The following ZMYM5 variants were observed in gnomAD, a reference collection of about 807,000 sequenced individuals.
ZMYM5 encodes the protein zinc finger MYM-type containing 5, also known as zinc finger MYM-type protein 5.
In ZMYM5, 41 loss-of-function variants were observed where a neutral mutation model predicts 61.8. The ratio of observed to expected loss-of-function variants is 0.66; its 90% CI spans 0.52 to 0.86. The LOEUF (loss-of-function observed/expected upper bound fraction) is 0.86. ZMYM5 is among the 40% of genes least tolerant of loss of function. The pLI, the probability that ZMYM5 is intolerant of heterozygous loss-of-function variation, is 0.00. For missense variants in ZMYM5, 706 were observed against 786.7 expected (o/e 0.90, Z 1.23); for synonymous variants, 257 against 276.4 (o/e 0.93, Z 0.70).
At chr13:19,832,733 C>T (rs1475615210) in intron 7 of ZMYM5, among the ~76,000 whole-genome samples, 1 of 152,004 alleles carries the variant, frequency 6.6e-6, no homozygotes, top group Non-Finnish European at 1.5e-5. Context: ...ATGTAACTGT[C>T]TTTGAAAAGA....
chr13:19,841,769 A>G (rs1399400295), intron 4 of ZMYM5: 1 of 152,084 alleles, frequency 6.6e-6, no homozygotes, highest in African/African-American at 2.4e-5. Context: ...AGTGTACCCT[A>G]AAAGTTAAAG....
At chr13:19,841,254 G>C (rs66689903) in intron 4 of ZMYM5, among the ~76,000 whole-genome samples, 14,974 of 152,204 alleles carry the variant, frequency 0.098, 873 homozygotes, top group African/African-American at 0.16. Context: ...GAGCCACTGG[G>C]CCTGACCTAT....
At chr13:19,854,354 G>A (rs1250485147) in intron 2 of ZMYM5, among the ~76,000 whole-genome samples, 2 of 152,158 alleles carry the variant, frequency 1.3e-5, no homozygotes, top group Non-Finnish European at 1.5e-5. Context: ...GCTGGGCGTG[G>A]TGGCTCACAC....
intron 2 of ZMYM5, among the ~76,000 whole-genome samples, chr13:19,860,470 G>GTGTGTATA: frequency 7.3e-6 from 1 of 136,388 alleles, no homozygotes; most frequent in Non-Finnish European, 1.6e-5. Flanking sequence ...GTGTGTGTGT[G>GTGTGTATA]TATTTTTTTT....
At position 19,860,430 on chromosome 13, in the gene ZMYM5, T is replaced by G. The variant is rs867176110; in HGVS notation, c.-11+1969A>C. On this transcript the variant is annotated intron_variant, in intron 2 of 7. Coordinates refer to ENST00000337963, the MANE Select transcript of ZMYM5 (RefSeq NM_001142684.2). Reference sequence around the variant, plus strand: ...CATGTGCCACCAGGCCCGGCTAATTTTGTGTGTGTGTGTGTGTATGTGTGT... The same window carrying G: ...CATGTGCCACCAGGCCCGGCTAATTGTGTGTGTGTGTGTGTGTATGTGTGT... Among the ~76,000 whole-genome samples the G allele has an allele frequency of 8.4e-4, 112 of 133,682 alleles. 1 individual carries two copies. The highest frequency in any genetic ancestry group is 2.5e-3 in the African/African-American group (92 of 36,666). 87.7% of individuals were successfully genotyped at this position (133,682 alleles called of 152,430 possible). A position where few individuals can be genotyped will look rare whatever the true frequency, so the allele number is the denominator to read the frequency against.
intron 2 of ZMYM5, among the ~76,000 whole-genome samples, chr13:19,854,486 G>A (rs189975169): frequency 3.9e-5 from 6 of 152,068 alleles, no homozygotes; most frequent in Non-Finnish European, 7.4e-5. Context: ...TTAGTCAGTC[G>A]TGGTGGCAGG....
intron 7 of ZMYM5, among the ~76,000 whole-genome samples, chr13:19,834,390 A>G (rs1244657788): frequency 1.3e-5 from 2 of 152,194 alleles, no homozygotes; most frequent in Non-Finnish European, 2.9e-5. Context: ...ACTCAGTAAC[A>G]AAAAGAATTC....
chr13:19,835,892 C>T (rs1369278769), intron 6 of ZMYM5, among the ~76,000 whole-genome samples: 4 of 151,964 alleles, frequency 2.6e-5, no homozygotes, highest in Middle Eastern at 6.8e-3. Context: ...GGCACAATCT[C>T]GGCTCACTGC....
At chr13:19,846,376 A>G (rs1046271884) in intron 4 of ZMYM5, among the ~76,000 whole-genome samples, 1 of 152,224 alleles carries the variant, frequency 6.6e-6, no homozygotes, top group Non-Finnish European at 1.5e-5. Flanking sequence ...GAAAAAAATG[A>G]CAAACTATGA....
intron 4 of ZMYM5, among the ~76,000 whole-genome samples, chr13:19,850,283 C>T (rs376542359): frequency 3.9e-5 from 6 of 152,186 alleles, no homozygotes; most frequent in South Asian, 2.1e-4. Flanking sequence ...CAGAATTAAG[C>T]GACTAATAAA....
At chr13:19,860,885 G>T (rs111658003) in intron 2 of ZMYM5, among the ~76,000 whole-genome samples, 1 of 129,358 alleles carries the variant, frequency 7.7e-6, no homozygotes, top group African/African-American at 2.8e-5. Flanking sequence ...TATCTCAGGT[G>T]GGGGGGGGGG....
At chr13:19,829,308 A>G (rs1159357489) in intron 7 of ZMYM5, among the ~76,000 whole-genome samples, 1 of 152,160 alleles carries the variant, frequency 6.6e-6, no homozygotes, top group Non-Finnish European at 1.5e-5. Flanking sequence ...ATATATTTTG[A>G]GATAGTCTCG....
In ZMYM5 at chr13:19,851,815, T is replaced by C; in HGVS notation, c.366A>G (p.Glu122=). The C allele has an allele frequency of 6.2e-7, 1 of 1,613,012 alleles. No individual in the cohort carries two copies. The highest frequency in any genetic ancestry group is 8.5e-7 in the Non-Finnish European group (1 of 1,179,808). Residue 122 remains glutamate (E), a synonymous_variant, in exon 3 of 8, where the codon GAA becomes GAG. Transcript: ENST00000337963. ...NISETIVIDD[E]EDIETNGGAE... ...CTCCTCCATTTGTTTCTATGTCCTC[T>C]TCATCATCAATAACAATTGTCTCAC...
chr13:19,843,562 T>C (rs943151341), intron 4 of ZMYM5: 3 of 151,894 alleles, frequency 2.0e-5, no homozygotes, highest in African/African-American at 4.8e-5. Context: ...ACAGGCACAG[T>C]GTGGTGGCTC....
chr13:19,850,940 G>A (rs1459267959), intron 4 of ZMYM5, among the ~76,000 whole-genome samples: 1 of 152,202 alleles, frequency 6.6e-6, no homozygotes, highest in African/African-American at 2.4e-5. Flanking sequence ...CGGGAGTGGT[G>A]GCTCACGCCT....
chr13:19,853,735 T>A (rs1018698136), intron 2 of ZMYM5, among the ~76,000 whole-genome samples: 1 of 151,692 alleles, frequency 6.6e-6, no homozygotes, highest in African/African-American at 2.4e-5. Flanking sequence ...CTGAGTAGCA[T>A]GCCTGGCTAC....
Position 19,824,930 on chromosome 13 carries a change from G to A in ZMYM5, c.1557C>T (p.Ser519=), listed in dbSNP as rs1209281516. The change falls in exon 8 of 8, where the codon TCC becomes TCT. Residue 519 remains serine (S), a synonymous_variant. Coordinates refer to ENST00000337963, the MANE Select transcript of ZMYM5 (RefSeq NM_001142684.2). ...TTCGGGGCCACGTACCTGGATCTGC[G>A]GAAAGCACAACTGGTACAATGGAGT... ...FEDSIVPVVL[S]ADPGTWPRIL... is the part of the protein sequence containing the mutation. 2.7e-5 allele frequency: 37 copies of A among 1,362,960 alleles called. No homozygotes were observed. The highest frequency in any genetic ancestry group is 3.4e-5 in the Non-Finnish European group (35 of 1,019,526). The allele number at this position is 1,362,960 out of a possible 1,614,324, so 84.4% of individuals were successfully genotyped here.
Position 19,827,713 on chromosome 13 carries a change from TAA to T in ZMYM5, c.1252-2480_1252-2479del, listed in dbSNP as rs561441311. On this transcript the variant is annotated intron_variant, in intron 7 of 7. Transcript: ENST00000337963. ...GTCAATAAAATTATAATAAAAAAAC[TAA>T]AAAGATTTAACATAATAAAGATGTA... Among the ~76,000 whole-genome samples the T allele has an allele frequency of 2.7e-3, 418 of 152,078 alleles. 1 individual carries two copies. The highest frequency in any genetic ancestry group is 9.5e-3 in the African/African-American group (395 of 41,506).
chr13:19,856,107 T>C (rs1394355583), intron 2 of ZMYM5, among the ~76,000 whole-genome samples: 3 of 151,910 alleles, frequency 2.0e-5, no homozygotes, highest in Admixed American at 2.0e-4. Flanking sequence ...CATGAAAAAC[T>C]TTAATTCTAA....
Sources: allele counts gnomAD v4.1 joint callset (sites outside exome capture counted in the v4.1 genomes callset), GRCh38; gene constraint gnomAD v4.1.1; transcripts MANE v1.5; gene names NCBI Gene and HGNC (gene_info 2026-07-23, HGNC 2026-07-21).